HMCN1: variants seen among roughly 807,000 people sequenced by gnomAD.
The protein encoded by HMCN1 is hemicentin-1.
HMCN1 carries 321 observed loss-of-function variants against 625.9 expected under a neutral mutation model. That is an observed-to-expected ratio of 0.51 (90% confidence interval 0.47 to 0.56). HMCN1 has a LOEUF of 0.56. Ranked by LOEUF, HMCN1 falls within the 20% of genes least tolerant of loss-of-function variation. HMCN1 has a pLI of 0.00. For missense variants in HMCN1, 6,588 were observed against 6,887.3 expected (o/e 0.96, Z 1.54); for synonymous variants, 2,425 against 2,417.6 (o/e 1.00, Z -0.09).
intron 89 of HMCN1, among the ~76,000 whole-genome samples, chr1:186,140,619 G>C (rs894372563): frequency 6.6e-6 from 1 of 152,088 alleles, no homozygotes; most frequent in Non-Finnish European, 1.5e-5. Context: ...GGGAAACTTA[G>C]AGTCTCTATA....
At chr1:185,976,280 A>G in intron 15 of HMCN1, among the ~76,000 whole-genome samples, 1 of 152,182 alleles carries the variant, frequency 6.6e-6, no homozygotes, top group East Asian at 1.9e-4. Context: ...GGAGATGGTA[A>G]TAACAAGGTA....
Position 185,925,048 on chromosome 1 carries a change from T to C in HMCN1, c.1287T>C (p.Asp429=). 1 of 1,609,414 alleles carries C rather than the reference T, an allele frequency of 6.2e-7. No individual in the cohort carries two copies. The highest frequency in any genetic ancestry group is 8.5e-7 in the Non-Finnish European group (1 of 1,177,184). ...TTTTGTTTTTGTTTTTTTTCCTAGATGCTCCCAAAGTTACGATGCCTGAGA... is the reference window on the plus strand; with the variant it reads ...TTTTGTTTTTGTTTTTTTTCCTAGACGCTCCCAAAGTTACGATGCCTGAGA... ...SSVSFSSIVP[D]APKVTMPEKT... The change falls in exon 9 of 107, where the codon GAT becomes GAC. Residue 429 remains aspartate (D), a splice_region_variant and synonymous_variant. Coordinates refer to ENST00000271588, the MANE Select transcript of HMCN1 (RefSeq NM_031935.3).
In HMCN1 at chr1:186,041,150, G is replaced by C. The variant is rs1379276757; in HGVS notation, c.6304+14G>C. On this transcript the variant is annotated intron_variant, in intron 40 of 106. Transcript: ENST00000271588. ...TCCGAGTATATGGTGAGACATTTTA[G>C]TAATTAATTCTCTTCTGGTAGAGAT... 4 of 1,609,714 alleles carry C rather than the reference G, an allele frequency of 2.5e-6. No homozygotes were observed. In the Admixed American group the frequency reaches 6.7e-5, roughly 27 times the overall value.
intron 4 of HMCN1, among the ~76,000 whole-genome samples, chr1:185,894,189 A>G (rs999255288): frequency 5.3e-5 from 8 of 149,550 alleles, no homozygotes; most frequent in Middle Eastern, 3.4e-3. Context: ...GAAAAAAACA[A>G]CAAAAATAAC....
intron 81 of HMCN1, among the ~76,000 whole-genome samples, chr1:186,124,458 G>C (rs12122227): frequency 0.49 from 74,497 of 151,762 alleles, 20,091 homozygotes; most frequent in African/African-American, 0.71. Context: ...TTTGTATCCC[G>C]TAACAAAAGA....
At position 185,923,496 on chromosome 1, in the gene HMCN1, T is replaced by C; in HGVS notation, c.1128T>C (p.Pro376=). 2 of 1,612,038 alleles carry C rather than the reference T, an allele frequency of 1.2e-6. No homozygotes were observed. The highest frequency in any genetic ancestry group is 8.5e-7 in the Non-Finnish European group (1 of 1,178,410). Reference sequence around the variant, plus strand: ...CAGGAAGTTCTCTTAAGACTATTCCTGTTAAATATTACCCACATCGAAAAC... The same window carrying C: ...CAGGAAGTTCTCTTAAGACTATTCCCGTTAAATATTACCCACATCGAAAAC... ...SISGSSLKTI[P]VKYYPHRKPY... The change falls in exon 8 of 107, where the codon CCT becomes CCC. Residue 376 remains proline, a synonymous_variant. Coordinates refer to ENST00000271588, the MANE Select transcript of HMCN1 (RefSeq NM_031935.3).
In HMCN1 at chr1:186,078,030, C is replaced by T. The variant is rs555112737; in HGVS notation, c.8486-77C>T. 854 of 1,088,288 alleles carry T rather than the reference C, an allele frequency of 7.8e-4. 2 individuals carry two copies. The highest frequency in any genetic ancestry group is 1.4e-4 in the Non-Finnish European group (97 of 714,620). 67.4% of individuals were successfully genotyped at this position (1,088,288 alleles called of 1,614,324 possible). A position where few individuals can be genotyped will look rare whatever the true frequency, so the allele number is the denominator to read the frequency against. Reference sequence around the variant, plus strand: ...AGAAAATGTAAGGCAGTCATTAGACCTGAAAATTTGTATCTGTTTATGGCT... The same window carrying T: ...AGAAAATGTAAGGCAGTCATTAGACTTGAAAATTTGTATCTGTTTATGGCT... On this transcript the variant is annotated intron_variant, in intron 54 of 106. Coordinates refer to ENST00000271588, the MANE Select transcript of HMCN1 (RefSeq NM_031935.3).
At chr1:185,852,250 G>A (rs1245807875) in intron 2 of HMCN1, among the ~76,000 whole-genome samples, 2 of 151,624 alleles carry the variant, frequency 1.3e-5, no homozygotes, top group East Asian at 3.9e-4. Context: ...ATGCCAATTT[G>A]GTGTATACAC....
At chr1:186,178,137 G>A (rs985315568) in intron 103 of HMCN1, among the ~76,000 whole-genome samples, 7 of 152,250 alleles carry the variant, frequency 4.6e-5, no homozygotes, top group African/African-American at 1.7e-4. Flanking sequence ...AGTGTGTCTT[G>A]TTGTCTGAGC....
chr1:186,087,473 A>T lies in HMCN1; in HGVS notation c.9191A>T (p.Glu3064Val). The T allele has an allele frequency of 6.2e-7, 1 of 1,613,240 alleles. No individual in the cohort carries two copies. The highest frequency in any genetic ancestry group is 8.5e-7 in the Non-Finnish European group (1 of 1,179,448). The part of the protein sequence containing the change: ...VPPSIKDHDS[E>V]SLSVVNVREG... ...CCAAGCATTAAAGACCATGACAGTGAATCTCTTTCTGTAGTTAATGTAAGA... is the reference window on the plus strand; with the variant it reads ...CCAAGCATTAAAGACCATGACAGTGTATCTCTTTCTGTAGTTAATGTAAGA... Residue 3064 changes from glutamate to valine, a missense_variant, in exon 60 of 107, where the codon GAA (glutamate) becomes GTA (valine). Glu to Val is a moderately radical substitution (Grantham distance 121). Coordinates refer to ENST00000271588, the MANE Select transcript of HMCN1 (RefSeq NM_031935.3).
chr1:185,892,985 A>G (rs190545222), intron 4 of HMCN1, among the ~76,000 whole-genome samples: 9,539 of 151,916 alleles, frequency 0.063, 1,051 homozygotes, highest in African/African-American at 0.22. Context: ...AGGACCCTCC[A>G]AGCCAGGTGC....
At chr1:185,941,504 G>A (rs1413253369) in intron 11 of HMCN1, among the ~76,000 whole-genome samples, 2 of 152,186 alleles carry the variant, frequency 1.3e-5, no homozygotes, top group African/African-American at 4.8e-5. Context: ...CTGTGTTACA[G>A]AGTAAGTCCT....
At chr1:185,764,861 A>G (rs1655766703) in intron 1 of HMCN1, among the ~76,000 whole-genome samples, 1 of 152,228 alleles carries the variant, frequency 6.6e-6, no homozygotes, top group Non-Finnish European at 1.5e-5. Context: ...AATATTTTTT[A>G]AACTTATAAT....
chr1:185,806,850 A>C (rs183477727), intron 1 of HMCN1, among the ~76,000 whole-genome samples: 1 of 152,276 alleles, frequency 6.6e-6, no homozygotes, highest in East Asian at 1.9e-4. Context: ...GGCTTAATGT[A>C]GGCATTATGT....
Position 186,076,485 on chromosome 1 carries a change from A to G in HMCN1, c.8348A>G (p.Asn2783Ser), listed in dbSNP as rs139211435. 37 of 1,613,782 alleles carry G rather than the reference A, an allele frequency of 2.3e-5. No homozygotes were observed. The African/African-American group carries it at 3.5e-4, about 15-fold the overall frequency. Residue 2783 changes from asparagine (N) to serine (S), a missense_variant, in exon 54 of 107, where the codon AAT becomes AGT. Physicochemically the swap from Asn to Ser is conservative, Grantham distance 46. This residue lies in a region of HMCN1 where 4,628 missense variants were observed against 4,853.1 expected (regional missense o/e 0.95). Transcript: ENST00000271588. Reference protein sequence around the residue: ...EIGNMLDTGRNGEAKDVIINN... With the variant: ...EIGNMLDTGRSGEAKDVIINN... ...GGAAACATGCTAGATACTGGCAGGA[A>G]TGGTGAAGCCAAAGATGTGATCATC...
In HMCN1 at chr1:186,041,260, A is replaced by T. The variant is rs1571764166; in HGVS notation, c.6304+124A>T. On this transcript the variant is annotated intron_variant, in intron 40 of 106. Transcript: ENST00000271588. ...TGAACCTTAGAAATGATATTACAGG[A>T]TCAATTCAAATCAAATTCTCTTTCT... is the stretch of plus-strand genomic sequence containing the variant. 1.3e-5 allele frequency: 11 copies of T among 855,250 alleles called. No homozygotes were observed. In the East Asian group the frequency reaches 2.9e-4, roughly 23 times the overall value. 53.0% of individuals were successfully genotyped at this position (855,250 alleles called of 1,614,324 possible). A position where few individuals can be genotyped will look rare whatever the true frequency, so the allele number is the denominator to read the frequency against.
intron 63 of HMCN1, among the ~76,000 whole-genome samples, chr1:186,090,303 G>A (rs143060152): frequency 1.3e-5 from 2 of 152,020 alleles, no homozygotes; most frequent in African/African-American, 4.8e-5. Context: ...ATTGAATAAT[G>A]GAGAAAGAAA....
chr1:185,879,001 T>C (rs947609664), intron 4 of HMCN1, among the ~76,000 whole-genome samples: 4 of 152,334 alleles, frequency 2.6e-5, no homozygotes, highest in East Asian at 3.9e-4. Flanking sequence ...GCTCTTGATA[T>C]TAGCACACTT....
chr1:185,794,019 T>A (rs1300237057), intron 1 of HMCN1, among the ~76,000 whole-genome samples: 1 of 152,210 alleles, frequency 6.6e-6, no homozygotes, highest in Non-Finnish European at 1.5e-5. Flanking sequence ...TTAATGGCAT[T>A]AATTTTTCAC....
Sources: gnomAD v4.1 joint callset for allele counts (sites outside exome capture counted in the v4.1 genomes callset) on GRCh38, gnomAD v4.1.1 for gene constraint, gnomAD v4.1.1 regional missense constraint, MANE v1.5 for transcripts, NCBI Gene and HGNC (gene_info 2026-07-23, HGNC 2026-07-21) for gene names.